The following ASPH variants were observed in gnomAD, a reference collection of about 807,000 sequenced individuals.
ASPH encodes the protein aspartate beta-hydroxylase.
Under a neutral mutation model 118.4 loss-of-function variants are expected in ASPH, and 100 were observed. That is an observed-to-expected ratio of 0.84 (90% CI 0.72 to 1.00). ASPH has a LOEUF of 1.00. Ranked by LOEUF, ASPH falls within the 50% of genes least tolerant of loss-of-function variation. ASPH has a pLI of 0.00. For missense variants in ASPH, 920 were observed against 919.5 expected, an observed-to-expected ratio of 1.00 and a Z score of -0.01; for synonymous variants, 315 against 325.6, an observed-to-expected ratio of 0.97 and a Z score of 0.35.
At chr8:61,629,965 G>C (rs1033042827) in intron 13 of ASPH, among the ~76,000 whole-genome samples, 1 of 152,144 alleles carries the variant, frequency 6.6e-6, no homozygotes. Flanking sequence ...CTGTAAAATG[G>C]AGGTAATGGC....
intron 9 of ASPH, 33 bp downstream of exon 9, chr8:61,643,353 A>C: frequency 1.9e-6 from 3 of 1,585,772 alleles, no homozygotes; most frequent in Non-Finnish European, 2.6e-6. Context: ...CTAAGGTAAT[A>C]TTTTAAATCT....
intron 14 of ASPH, among the ~76,000 whole-genome samples, chr8:61,600,248 G>T (rs950679729): frequency 6.6e-6 from 1 of 152,168 alleles, no homozygotes; most frequent in African/African-American, 2.4e-5. Flanking sequence ...TAAAGGCCAT[G>T]TATGACAAAC....
intron 14 of ASPH, among the ~76,000 whole-genome samples, chr8:61,604,305 A>G (rs1199843997): frequency 6.6e-6 from 1 of 152,220 alleles, no homozygotes; most frequent in African/African-American, 2.4e-5. Flanking sequence ...ATGGTAGTAC[A>G]GAAAGAGAGA....
intron 3 of ASPH, chr8:61,660,120 T>C (rs1184082646): frequency 3.9e-5 from 6 of 152,126 alleles, no homozygotes; most frequent in South Asian, 2.1e-4. Context: ...TAGTATCCAA[T>C]AGTTAGTTTT....
chr8:61,629,903 C>T (rs796588043), intron 13 of ASPH, among the ~76,000 whole-genome samples: 16 of 152,326 alleles, frequency 1.1e-4, no homozygotes, highest in African/African-American at 3.8e-4. Flanking sequence ...CACTTGTCAG[C>T]TCTGTGACCT....
In ASPH at chr8:61,569,604, T is replaced by TTATCAA. The variant is rs1306907471; in HGVS notation, c.1150-2287_1150-2286insTTGATA. On this transcript the variant is annotated intron_variant, in intron 16 of 24. Transcript: ENST00000379454. ...TTTTTTTCACAAAATAAGACATCAA[T>TTATCAA]GAAATAACTTGATAATATGAACTGA... Among the ~76,000 whole-genome samples, 78 of 151,686 alleles carry TTATCAA rather than the reference T, an allele frequency of 5.1e-4. 1 individual carries two copies. Among genetic ancestry groups the TTATCAA allele is most frequent in the African/African-American group, 1.8e-3 (74 of 41,310 alleles).
intron 21 of ASPH, among the ~76,000 whole-genome samples, chr8:61,528,482 A>C (rs2129629064): frequency 6.6e-6 from 1 of 152,362 alleles, no homozygotes; most frequent in East Asian, 1.9e-4. Flanking sequence ...ATTACTTTTC[A>C]AATGAGGTTA....
At chr8:61,597,067 G>A (rs1441963114) in intron 14 of ASPH, among the ~76,000 whole-genome samples, 6 of 151,656 alleles carry the variant, frequency 4.0e-5, no homozygotes, top group South Asian at 4.2e-4. Context: ...GAACTCAACC[G>A]GGAACTAAAG....
At chr8:61,712,644 A>C (rs1381904948) in intron 1 of ASPH, among the ~76,000 whole-genome samples, 1 of 152,230 alleles carries the variant, frequency 6.6e-6, no homozygotes, top group Non-Finnish European at 1.5e-5. Flanking sequence ...TATGAAAGTC[A>C]GGAGAAGTTA....
At chr8:61,515,125 G>C (rs56984248) in intron 24 of ASPH, among the ~76,000 whole-genome samples, 15,563 of 151,948 alleles carry the variant, frequency 0.1, 2,330 homozygotes, top group African/African-American at 0.33. Flanking sequence ...GAACAAATAG[G>C]CTGTAAAAGC....
chr8:61,596,021 C>T (rs1004886578), intron 14 of ASPH, among the ~76,000 whole-genome samples: 2 of 152,124 alleles, frequency 1.3e-5, no homozygotes, highest in South Asian at 4.1e-4. Flanking sequence ...TGCCCCACCC[C>T]TCAATGCAGC....
intron 13 of ASPH, among the ~76,000 whole-genome samples, chr8:61,619,872 C>G (rs906628524): frequency 2.6e-5 from 4 of 152,080 alleles, no homozygotes; most frequent in Admixed American, 1.3e-4. Context: ...GTCGTATGCA[C>G]ATAGGTTGGA....
At chr8:61,623,807 A>G (rs1851776124) in intron 13 of ASPH, 1 of 152,224 alleles carries the variant, frequency 6.6e-6, no homozygotes, top group African/African-American at 2.4e-5. Context: ...AAAATGTGGT[A>G]CATATATAAT....
intron 1 of ASPH, among the ~76,000 whole-genome samples, chr8:61,707,744 T>C (rs1161047880): frequency 2.6e-5 from 4 of 151,988 alleles, no homozygotes; most frequent in African/African-American, 9.7e-5. Flanking sequence ...ACTACATATG[T>C]GAAAATAAAG....
At chr8:61,644,154 T>A (rs1806680051) in intron 7 of ASPH, among the ~76,000 whole-genome samples, 153 bp from the exon 8 acceptor site, 1 of 152,236 alleles carries the variant, frequency 6.6e-6, no homozygotes, top group African/African-American at 2.4e-5. Context: ...CAAATAGGTA[T>A]TAAGTGTGTT....
At chr8:61,658,483 G>GT (rs1463564702) in intron 3 of ASPH, 3 of 152,200 alleles carry the variant, frequency 2.0e-5, no homozygotes, top group Non-Finnish European at 2.9e-5. Flanking sequence ...AGCATGGTGT[G>GT]TAAGTTCAGG....
In ASPH at chr8:61,706,806, TGCCTGGAACAAAATAGA is replaced by T. The variant is rs1463667141; in HGVS notation, c.103+7446_103+7462del. 6.6e-5 allele frequency among the ~76,000 whole-genome samples: 10 copies of T among 152,322 alleles called. No homozygotes were observed. In the East Asian group the frequency reaches 1.9e-3, roughly 29 times the overall value. ...AATTCAGTTTGGTGTTGCTTCTACA[TGCCTGGAACAAAATAGA>T]GCCCGACGTATTCATACACAAGAGG... On this transcript the variant is annotated intron_variant, in intron 1 of 24. Coordinates refer to ENST00000379454, the MANE Select transcript of ASPH (RefSeq NM_004318.4).
intron 16 of ASPH, among the ~76,000 whole-genome samples, chr8:61,569,455 C>T (rs1462878638): frequency 2.6e-5 from 4 of 151,984 alleles, no homozygotes; most frequent in African/African-American, 4.8e-5. Flanking sequence ...AATAAAGTAT[C>T]GCTCCATAAT....
At chr8:61,611,647 C>T (rs1196684772) in intron 14 of ASPH, among the ~76,000 whole-genome samples, 1 of 152,204 alleles carries the variant, frequency 6.6e-6, no homozygotes, top group Non-Finnish European at 1.5e-5. Context: ...GGCCAGGCAA[C>T]TGAAATTTAG....
Sources: gnomAD v4.1 joint callset for allele counts (sites outside exome capture counted in the v4.1 genomes callset) on GRCh38, gnomAD v4.1.1 for gene constraint, MANE v1.5 for transcripts, NCBI Gene and HGNC (gene_info 2026-07-23, HGNC 2026-07-21) for gene names.